Variants in MAGI3 observed in about 807,000 individuals in gnomAD.
The protein encoded by MAGI3 is membrane associated guanylate kinase, WW and PDZ domain containing 3.
A neutral mutation model predicts 121.8 loss-of-function variants in MAGI3; 43 were observed. The ratio of observed to expected loss-of-function variants is 0.35; its 90% CI spans 0.28 to 0.46. The LOEUF (loss-of-function observed/expected upper bound fraction) is 0.46. Ranked by LOEUF, MAGI3 falls within the 20% of genes least tolerant of loss-of-function variation. The pLI is 1.00. For synonymous variants in MAGI3, 553 were observed against 639.3 expected (o/e 0.86, Z 2.04); for missense variants, 1,547 against 1,797.3 (o/e 0.86, Z 2.52).
At chr1:113,638,257 G>A (rs1046087869) in intron 9 of MAGI3, among the ~76,000 whole-genome samples, 1 of 152,202 alleles carries the variant, frequency 6.6e-6, no homozygotes, top group African/African-American at 2.4e-5. Flanking sequence ...ATCCAGCTTT[G>A]TTCCGTTGCT....
chr1:113,596,812 CAG>C (rs529513092), intron 6 of MAGI3, among the ~76,000 whole-genome samples: 12 of 148,110 alleles, frequency 8.1e-5, no homozygotes, highest in Non-Finnish European at 1.6e-4. Context: ...AAAAAAAAAA[CAG>C]ATGGTAACTA....
chr1:113,669,949 A>G (rs1146187), intron 16 of MAGI3, among the ~76,000 whole-genome samples: 114,377 of 149,240 alleles, frequency 0.77, 44,904 homozygotes, highest in African/African-American at 0.91. Flanking sequence ...AAGTTACTCA[A>G]GAAAAATAAA....
intron 1 of MAGI3, among the ~76,000 whole-genome samples, chr1:113,393,891 G>C (rs543814533): frequency 1.3e-5 from 2 of 152,280 alleles, no homozygotes; most frequent in South Asian, 2.1e-4. Flanking sequence ...TTGACTAGTT[G>C]CTTTTTATTA....
intron 1 of MAGI3, among the ~76,000 whole-genome samples, chr1:113,477,046 C>A (rs1035487453): frequency 6.7e-6 from 1 of 148,180 alleles, no homozygotes; most frequent in African/African-American, 2.4e-5. Flanking sequence ...GGGTTGCACC[C>A]CTGCTTTTTT....
chr1:113,416,729 G>A (rs370036995), intron 1 of MAGI3, among the ~76,000 whole-genome samples: 130 of 151,282 alleles, frequency 8.6e-4, no homozygotes, highest in East Asian at 3.1e-3. Context: ...ATATGATTTA[G>A]ATTTTAAATA....
At chr1:113,465,620 C>T (rs1272513621) in intron 1 of MAGI3, among the ~76,000 whole-genome samples, 3 of 151,966 alleles carry the variant, frequency 2.0e-5, no homozygotes, top group African/African-American at 4.8e-5. Context: ...AATATTAATT[C>T]TTCTAATCAA....
intron 9 of MAGI3, among the ~76,000 whole-genome samples, chr1:113,639,328 C>T (rs1652290826): frequency 1.3e-5 from 2 of 152,252 alleles, no homozygotes; most frequent in South Asian, 4.1e-4. Context: ...TTCTGCGTCG[C>T]TCACGCTGGG....
intron 1 of MAGI3, among the ~76,000 whole-genome samples, chr1:113,424,969 A>G (rs1652922524): frequency 6.6e-6 from 1 of 152,110 alleles, no homozygotes; most frequent in South Asian, 2.1e-4. Context: ...CCCCGTCTCT[A>G]CTAAAAATAC....
At chr1:113,665,777 A>G (rs1393421952) in intron 16 of MAGI3, among the ~76,000 whole-genome samples, 2 of 152,108 alleles carry the variant, frequency 1.3e-5, no homozygotes, top group Non-Finnish European at 2.9e-5. Flanking sequence ...TCAATAGATT[A>G]TAATGTTTAT....
intron 1 of MAGI3, among the ~76,000 whole-genome samples, chr1:113,401,085 C>A (rs186211964): frequency 2.2e-4 from 34 of 152,168 alleles, no homozygotes; most frequent in African/African-American, 7.5e-4. Flanking sequence ...TTTTTATTCT[C>A]TATGAGTCAG....
intron 8 of MAGI3, 89 bp downstream of exon 8, chr1:113,619,919 C>A (rs1650717461): frequency 1.4e-5 from 12 of 874,348 alleles, no homozygotes; most frequent in Non-Finnish European, 2.2e-5. Flanking sequence ...CTTCTTATTT[C>A]TATGGCTTTG....
At chr1:113,545,236 A>G (rs181521506) in intron 1 of MAGI3, among the ~76,000 whole-genome samples, 5 of 152,278 alleles carry the variant, frequency 3.3e-5, no homozygotes, top group East Asian at 1.9e-4. Context: ...AAGAGATTGT[A>G]AAAAAATGAA....
At chr1:113,443,100 T>TTAAACTCAGCTAAGCCAAATTCA (rs1653999496) in intron 1 of MAGI3, among the ~76,000 whole-genome samples, 2 of 152,210 alleles carry the variant, frequency 1.3e-5, no homozygotes, top group Non-Finnish European at 2.9e-5. Context: ...CAATTCAGTA[T>TTAAACTCAGCTAAGCCAAATTCA]GCCTTGCTCA....
At position 113,683,005 on chromosome 1, in the gene MAGI3, CA is replaced by C; in HGVS notation, c.3438del (p.Val1147Ter). ...TCCATATTTGAAGAGTCTCACGTGC[CA>C]GTAATTGAAGAATCTTTGAGAGTTC... is the stretch of plus-strand genomic sequence containing the variant. ...FASIFEESHV[P>X]VIEESLRVQI... On this transcript the variant is annotated frameshift_variant, in exon 21 of 21. Coordinates refer to ENST00000307546, the MANE Select transcript of MAGI3 (RefSeq NM_001142782.2). LOFTEE classifies it low-confidence loss of function (END_TRUNC). The C allele has an allele frequency of 6.2e-7, 1 of 1,613,886 alleles. No homozygotes were observed. The highest frequency in any genetic ancestry group is 1.1e-5 in the South Asian group (1 of 91,070).
chr1:113,595,991 A>G (rs1648977029), intron 6 of MAGI3, among the ~76,000 whole-genome samples: 1 of 152,040 alleles, frequency 6.6e-6, no homozygotes, highest in Non-Finnish European at 1.5e-5. Flanking sequence ...TGATCACGCC[A>G]CTGCACTCCA....
chr1:113,675,180 G>A (rs1647798121), intron 19 of MAGI3, among the ~76,000 whole-genome samples: 1 of 152,226 alleles, frequency 6.6e-6, no homozygotes, highest in African/African-American at 2.4e-5. Flanking sequence ...TGTTAGTGGT[G>A]TGCAGGAAGG....
chr1:113,455,371 A>G (rs568534150), intron 1 of MAGI3, among the ~76,000 whole-genome samples: 22 of 152,074 alleles, frequency 1.4e-4, no homozygotes, highest in Non-Finnish European at 2.5e-4. Context: ...CAGCTAGAGA[A>G]ATAGAAGACT....
At chr1:113,604,425 G>A (rs1257627069) in intron 6 of MAGI3, among the ~76,000 whole-genome samples, 1 of 151,794 alleles carries the variant, frequency 6.6e-6, no homozygotes, top group Non-Finnish European at 1.5e-5. Context: ...AAATTAGCCA[G>A]GCATGGTGGC....
chr1:113,595,012 G>A (rs1397396157), intron 6 of MAGI3, among the ~76,000 whole-genome samples: 2 of 152,084 alleles, frequency 1.3e-5, no homozygotes, highest in African/African-American at 4.8e-5. Context: ...AGAAATTCAA[G>A]GAAAGTCTTT....
Sources: allele counts gnomAD v4.1 joint callset (sites outside exome capture counted in the v4.1 genomes callset), GRCh38; gene constraint gnomAD v4.1.1; transcripts MANE v1.5; gene names NCBI Gene and HGNC (gene_info 2026-07-23, HGNC 2026-07-21).